The following VTI1A variants were observed in gnomAD, a reference collection of about 807,000 sequenced individuals.
VTI1A encodes vesicle transport through interaction with t-SNAREs 1A.
A neutral mutation model predicts 34.9 loss-of-function variants in VTI1A; 22 were observed. That is an observed-to-expected ratio of 0.63 (90% CI 0.45 to 0.90). VTI1A has a LOEUF of 0.90. Ranked by LOEUF, VTI1A falls within the 40% of genes least tolerant of loss-of-function variation. VTI1A has a pLI of 0.00. For synonymous variants in VTI1A, 87 were observed against 97.3 expected, an observed-to-expected ratio of 0.89 and a Z score of 0.62; for missense variants, 268 against 275.6, an observed-to-expected ratio of 0.97 and a Z score of 0.20.
At chr10:112,781,648 C>A (rs951935804) in intron 7 of VTI1A, among the ~76,000 whole-genome samples, 1 of 151,778 alleles carries the variant, frequency 6.6e-6, no homozygotes, top group Non-Finnish European at 1.5e-5. Flanking sequence ...TGAGACCAGC[C>A]TGGCCAACAT....
At chr10:112,844,067 AT>A in the VTI1A span, among the ~76,000 whole-genome samples, 1 of 152,026 alleles carries the variant, frequency 6.6e-6, no homozygotes, top group Non-Finnish European at 1.5e-5. Flanking sequence ...TCTGTTTTAG[AT>A]ATTGTGCTTT....
At chr10:112,622,394 A>T (rs1845766527) in intron 5 of VTI1A, among the ~76,000 whole-genome samples, 1 of 152,004 alleles carries the variant, frequency 6.6e-6, no homozygotes, top group African/African-American at 2.4e-5. Context: ...GTAGATTTTA[A>T]TGCAGACCAA....
intron 5 of VTI1A, among the ~76,000 whole-genome samples, chr10:112,571,625 C>G (rs1034437961): frequency 1.3e-5 from 2 of 152,082 alleles, no homozygotes; most frequent in African/African-American, 4.8e-5. Flanking sequence ...ACCTGGCAAT[C>G]CCATTACTGG....
At chr10:112,669,107 AG>A in intron 7 of VTI1A, 109 bp downstream of exon 7, 1 of 1,280,288 alleles carries the variant, frequency 7.8e-7, no homozygotes. Context: ...TTCTGCTCTT[AG>A]TACCCTGTGC....
At chr10:112,836,398 AG>A in the VTI1A span, among the ~76,000 whole-genome samples, 3 of 152,222 alleles carry the variant, frequency 2.0e-5, no homozygotes, top group Admixed American at 2.0e-4. Context: ...GACCTGCCCG[AG>A]GGCACACAGC....
At chr10:112,676,988 A>G (rs1848055910) in intron 7 of VTI1A, among the ~76,000 whole-genome samples, 1 of 152,186 alleles carries the variant, frequency 6.6e-6, no homozygotes, top group African/African-American at 2.4e-5. Context: ...CAGTACAGCC[A>G]TTGAATATAG....
At chr10:112,848,189 G>T in the VTI1A span, among the ~76,000 whole-genome samples, 1 of 152,118 alleles carries the variant, frequency 6.6e-6, no homozygotes, top group Non-Finnish European at 1.5e-5. Context: ...TCCCCTCCTT[G>T]TCAGTTGCTT....
intron 7 of VTI1A, chr10:112,737,868 G>A: frequency 1.9e-6 from 2 of 1,061,678 alleles, no homozygotes; most frequent in Non-Finnish European, 2.3e-6. Flanking sequence ...TTTGATAGCT[G>A]AGCCGTAGGA....
chr10:112,815,069 T>C (rs1044222800), intron 7 of VTI1A, among the ~76,000 whole-genome samples: 1 of 151,858 alleles, frequency 6.6e-6, no homozygotes, highest in African/African-American at 2.4e-5. Flanking sequence ...GTGACAATCA[T>C]GTGGAGCCTT....
chr10:112,821,998 T>C (rs972906504), downstream of VTI1A, among the ~76,000 whole-genome samples: 1 of 152,184 alleles, frequency 6.6e-6, no homozygotes, highest in Admixed American at 6.5e-5. Flanking sequence ...CCTGGAACAC[T>C]GGAAAAATGC....
chr10:112,505,174 T>G (rs1272107682), intron 3 of VTI1A, among the ~76,000 whole-genome samples: 1 of 152,148 alleles, frequency 6.6e-6, no homozygotes, highest in African/African-American at 2.4e-5. Context: ...TAGTTATGCT[T>G]TTAGAGTCAT....
chr10:112,685,990 A>C (rs1449945233), intron 7 of VTI1A, among the ~76,000 whole-genome samples: 1 of 152,216 alleles, frequency 6.6e-6, no homozygotes, highest in Admixed American at 6.5e-5. Context: ...AATTCAGTGC[A>C]TGATGCCATA....
the VTI1A span, among the ~76,000 whole-genome samples, chr10:112,849,919 G>A: frequency 6.6e-6 from 1 of 152,148 alleles, no homozygotes; most frequent in Non-Finnish European, 1.5e-5. Flanking sequence ...TTCTTCCTAA[G>A]GGGAGAGCTG....
intron 1 of VTI1A, among the ~76,000 whole-genome samples, chr10:112,456,931 A>T (rs1202897916): frequency 1.3e-5 from 2 of 152,162 alleles, no homozygotes; most frequent in Non-Finnish European, 2.9e-5. Flanking sequence ...TGGGTGGCTC[A>T]TTTTTGTCCA....
rs114615937 is a variant in VTI1A at position 112,602,296 on chromosome 10, T to A, written c.427+63966T>A. On this transcript the variant is annotated intron_variant, in intron 5 of 7. Transcript: ENST00000393077. The stretch of plus-strand genomic sequence containing the variant: ...ACTGTTTATTGAGCGAATGAAAAAA[T>A]TTTTTTTATCAAATCTTTTGCTTAG... Among the ~76,000 whole-genome samples, 743 of 152,202 alleles carry A rather than the reference T, an allele frequency of 4.9e-3. 5 individuals carry two copies. The highest frequency in any genetic ancestry group is 0.015 in the African/African-American group (626 of 41,496).
chr10:112,753,588 G>C (rs977600194), intron 7 of VTI1A, among the ~76,000 whole-genome samples: 3 of 152,226 alleles, frequency 2.0e-5, no homozygotes, highest in Admixed American at 1.3e-4. Flanking sequence ...GTTTTCATTG[G>C]CCATTCGGAG....
At chr10:112,763,124 G>T (rs1851527216) in intron 7 of VTI1A, among the ~76,000 whole-genome samples, 3 of 152,032 alleles carry the variant, frequency 2.0e-5, no homozygotes, top group Non-Finnish European at 4.4e-5. Flanking sequence ...CCTCTTAGTA[G>T]ACTTAAAATG....
chr10:112,525,036 G>C (rs543341176), intron 3 of VTI1A, among the ~76,000 whole-genome samples: 1 of 152,304 alleles, frequency 6.6e-6, no homozygotes, highest in Non-Finnish European at 1.5e-5. Context: ...TCTGTATGAA[G>C]TCAATAGAAA....
chr10:112,650,218 A>T (rs1033826310), intron 5 of VTI1A, among the ~76,000 whole-genome samples: 1 of 151,998 alleles, frequency 6.6e-6, no homozygotes, highest in Non-Finnish European at 1.5e-5. Flanking sequence ...TCTATTTTTA[A>T]TTTTTTTTCC....
Sources: gnomAD v4.1 joint callset for allele counts (sites outside exome capture counted in the v4.1 genomes callset) on GRCh38, gnomAD v4.1.1 for gene constraint, MANE v1.5 for transcripts, NCBI Gene and HGNC (gene_info 2026-07-23, HGNC 2026-07-21) for gene names.